VWA3A: variants seen among roughly 807,000 people sequenced by gnomAD.
The protein encoded by VWA3A is von Willebrand factor A domain containing 3A.
Under a neutral mutation model 160.4 loss-of-function variants are expected in VWA3A, and 134 were observed. The observed-to-expected ratio is 0.84, with a 90% confidence interval of 0.73 to 0.96. VWA3A has a LOEUF of 0.96. Among genes scored for constraint, VWA3A ranks in the 40% least tolerant of loss-of-function variants. The probability of loss-of-function intolerance (pLI) is 0.00; values close to 1 mark genes in which losing one functional copy is unlikely to be tolerated. For synonymous variants in VWA3A, 476 were observed against 543.4 expected (o/e 0.88, Z 1.72); for missense variants, 1,310 against 1,447.9 (o/e 0.90, Z 1.55).
At chr16:22,144,525 A>C in intron 26 of VWA3A, 141 bp downstream of exon 26, 1 of 1,247,538 alleles carries the variant, frequency 8.0e-7, no homozygotes, top group Non-Finnish European at 1.1e-6. Flanking sequence ...CCCTCACCAA[A>C]TAGGAGATGC....
Position 22,140,119 on chromosome 16 carries a change from C to A in VWA3A, c.2293-35C>A, listed in dbSNP as rs779925486. On this transcript the variant is annotated intron_variant, in intron 22 of 33. Coordinates refer to ENST00000389398, the MANE Select transcript of VWA3A (RefSeq NM_173615.5). The stretch of plus-strand genomic sequence containing the variant: ...CTGGGATCCTGCGTGACACAGGGAA[C>A]ACTCCTCTGATGGGAAAGATTGCCT... 2.5e-6 allele frequency: 4 copies of A among 1,596,160 alleles called. No homozygotes were observed. In the African/African-American group the frequency reaches 5.4e-5, roughly 21 times the overall value.
chr16:22,117,647 TA>T (rs2045669637), intron 11 of VWA3A, among the ~76,000 whole-genome samples: 1 of 152,226 alleles, frequency 6.6e-6, no homozygotes, highest in Non-Finnish European at 1.5e-5. Context: ...TTGTCCCAGT[TA>T]ATAACTAGAC....
intron 1 of VWA3A, among the ~76,000 whole-genome samples, chr16:22,093,520 G>A (rs775476449): frequency 9.2e-5 from 14 of 152,140 alleles, no homozygotes; most frequent in Admixed American, 2.6e-4. Flanking sequence ...TCTCTGGCAC[G>A]CAGTGAGTGC....
chr16:22,139,597 G>A (rs1377519073), intron 22 of VWA3A, among the ~76,000 whole-genome samples: 1 of 152,146 alleles, frequency 6.6e-6, no homozygotes, highest in African/African-American at 2.4e-5. Context: ...GGGAAGCTGA[G>A]ACAGGGAGAA....
chr16:22,135,231 C>CT (rs397780937), intron 21 of VWA3A, among the ~76,000 whole-genome samples: 1 of 151,632 alleles, frequency 6.6e-6, no homozygotes, highest in Non-Finnish European at 1.5e-5. Flanking sequence ...TTAGAGGAGC[C>CT]GGCTAAAGTT....
intron 17 of VWA3A, among the ~76,000 whole-genome samples, chr16:22,128,211 T>C (rs1198609564): frequency 6.6e-6 from 1 of 152,158 alleles, no homozygotes; most frequent in African/African-American, 2.4e-5. Context: ...ATAAAGGCAC[T>C]GGAGGATTGC....
intron 20 of VWA3A, 31 bp from the exon 21 acceptor site, chr16:22,134,337 T>C (rs1172183074): frequency 6.4e-7 from 1 of 1,571,516 alleles, no homozygotes; most frequent in Non-Finnish European, 8.6e-7. Flanking sequence ...ACACCCTGTC[T>C]CACCTTGCTC....
intron 8 of VWA3A, among the ~76,000 whole-genome samples, chr16:22,113,363 CTTTTTTTTT>C (rs569069206): frequency 1.2e-3 from 57 of 46,262 alleles, no homozygotes; most frequent in East Asian, 3.8e-3. Context: ...GGCTAATTTT[CTTTTTTTTT>C]TTTTTTTTTT....
intron 11 of VWA3A, among the ~76,000 whole-genome samples, chr16:22,118,554 C>T (rs773104672): frequency 1.3e-5 from 2 of 152,026 alleles, no homozygotes; most frequent in African/African-American, 4.8e-5. Context: ...GGCGTGGTGG[C>T]GGGCGCCTGT....
intron 31 of VWA3A, among the ~76,000 whole-genome samples, chr16:22,153,482 C>T (rs2046384832): frequency 6.6e-6 from 1 of 152,148 alleles, no homozygotes; most frequent in Non-Finnish European, 1.5e-5. Context: ...GAAATACAGA[C>T]ATTCAAGTTA....
At chr16:22,140,633 CAG>C (rs1442428816) in intron 23 of VWA3A, among the ~76,000 whole-genome samples, 1 of 141,472 alleles carries the variant, frequency 7.1e-6, no homozygotes, top group Non-Finnish European at 1.5e-5. Flanking sequence ...TTTTTTGAGA[CAG>C]AGTCTCGCTC....
intron 21 of VWA3A, among the ~76,000 whole-genome samples, chr16:22,136,275 C>T (rs1246756734): frequency 6.6e-6 from 1 of 152,118 alleles, no homozygotes; most frequent in Non-Finnish European, 1.5e-5. Flanking sequence ...AACTGACCCC[C>T]ACGCTCCTCA....
At chr16:22,141,037 A>G (rs1379512663) in intron 23 of VWA3A, among the ~76,000 whole-genome samples, 2 of 152,214 alleles carry the variant, frequency 1.3e-5, no homozygotes, top group Non-Finnish European at 2.9e-5. Flanking sequence ...ATAATGATCA[A>G]TCCTTTGCAT....
At position 22,114,201 on chromosome 16, in the gene VWA3A, C is replaced by T. The variant is rs556546729; in HGVS notation, c.690-1146C>T. On this transcript the variant is annotated intron_variant, in intron 8 of 33. Coordinates refer to ENST00000389398, the MANE Select transcript of VWA3A (RefSeq NM_173615.5). ...ATGAAAGATGAACTTATTAGCACCA[C>T]ACTGAGATTTTCTCTTTCAGATTTT... Among the ~76,000 whole-genome samples, 113 of 152,318 alleles carry T rather than the reference C, an allele frequency of 7.4e-4. 1 individual carries two copies. Among genetic ancestry groups the T allele is most frequent in the Non-Finnish European group, 1.2e-3 (82 of 68,024 alleles).
At chr16:22,118,564 T>C (rs910272380) in intron 11 of VWA3A, among the ~76,000 whole-genome samples, 4 of 152,134 alleles carry the variant, frequency 2.6e-5, no homozygotes, top group Non-Finnish European at 4.4e-5. Context: ...CGGGCGCCTG[T>C]AGTCCCAGCT....
In VWA3A at chr16:22,115,455, G is replaced by A. The variant is rs201002500; in HGVS notation, c.798G>A (p.Val266=). The change falls in exon 9 of 34, where the codon GTG becomes GTA. Residue 266 remains valine, a synonymous_variant. Coordinates refer to ENST00000389398, the MANE Select transcript of VWA3A (RefSeq NM_173615.5). ...CTCTCAAGGGACTGGATTCCCTGGT[G>A]GCCATCATGAGAAGCTGGTAGGTCT... ...IFTLKGLDSL[V]AIMRSCPDQP... is the part of the protein sequence containing the mutation. 9 of 1,607,516 alleles carry A rather than the reference G, an allele frequency of 5.6e-6. No individual in the cohort carries two copies. In the East Asian group the frequency reaches 1.8e-4, roughly 32 times the overall value.
chr16:22,110,179 C>T (rs962535539), intron 7 of VWA3A, among the ~76,000 whole-genome samples: 1 of 152,164 alleles, frequency 6.6e-6, no homozygotes, highest in African/African-American at 2.4e-5. Flanking sequence ...CCCTAAGTGG[C>T]TACCTAGGGT....
intron 30 of VWA3A, 94 bp downstream of exon 30, chr16:22,150,940 C>T: frequency 7.1e-7 from 1 of 1,401,042 alleles, no homozygotes; most frequent in Non-Finnish European, 9.5e-7. Context: ...TCTAGCTGCT[C>T]ACTTAGACAC....
At position 22,156,112 on chromosome 16, in the gene VWA3A, G is replaced by A; in HGVS notation, c.*95G>A. The A allele has an allele frequency of 1.6e-6, 1 of 611,736 alleles. No individual in the cohort carries two copies. The highest frequency in any genetic ancestry group is 2.1e-5 in the South Asian group (1 of 48,636). 37.9% of individuals were successfully genotyped at this position (611,736 alleles called of 1,614,324 possible). On this transcript the variant is annotated 3_prime_UTR_variant, in exon 34 of 34. Transcript: ENST00000389398. Reference sequence around the variant, plus strand: ...ATGGGATGAAATGCTGTGACCTGCAGGAAACATGATTCCTGGTACCAGGAC... The same window carrying A: ...ATGGGATGAAATGCTGTGACCTGCAAGAAACATGATTCCTGGTACCAGGAC...
Sources: gnomAD v4.1 joint callset for allele counts (sites outside exome capture counted in the v4.1 genomes callset) on GRCh38, gnomAD v4.1.1 for gene constraint, MANE v1.5 for transcripts, NCBI Gene and HGNC (gene_info 2026-07-23, HGNC 2026-07-21) for gene names.